The following CARMIL1 variants were observed in gnomAD, a reference collection of about 807,000 sequenced individuals.
CARMIL1 encodes the protein capping protein regulator and myosin 1 linker 1.
CARMIL1 carries 90 observed loss-of-function variants against 177.1 expected under a neutral mutation model. The ratio of observed to expected loss-of-function variants is 0.51; its 90% CI spans 0.43 to 0.61. The LOEUF (loss-of-function observed/expected upper bound fraction) is 0.61, where lower values mean the gene tolerates loss of function less well. CARMIL1 is among the 20% of genes least tolerant of loss of function. The pLI is 0.00. For missense variants in CARMIL1, 1,380 were observed against 1,667.0 expected, an observed-to-expected ratio of 0.83 and a Z score of 3.00; for synonymous variants, 577 against 606.2, an observed-to-expected ratio of 0.95 and a Z score of 0.71.
At chr6:25,567,016 C>A (rs911138922) in intron 29 of CARMIL1, among the ~76,000 whole-genome samples, 1 of 152,168 alleles carries the variant, frequency 6.6e-6, no homozygotes, top group African/African-American at 2.4e-5. Flanking sequence ...GTCATAGCAG[C>A]CAGGTGTGGT....
chr6:25,418,801 G>A (rs1018712698), intron 2 of CARMIL1, among the ~76,000 whole-genome samples: 2 of 152,082 alleles, frequency 1.3e-5, no homozygotes, highest in Non-Finnish European at 2.9e-5. Context: ...TAACTGTGAC[G>A]GTGGCATTTG....
intron 16 of CARMIL1, among the ~76,000 whole-genome samples, chr6:25,497,021 G>A (rs775051283): frequency 6.6e-6 from 1 of 152,146 alleles, no homozygotes; most frequent in Non-Finnish European, 1.5e-5. Flanking sequence ...GATGTTATTG[G>A]TGTGAATGTT....
intron 5 of CARMIL1, among the ~76,000 whole-genome samples, chr6:25,447,136 C>G (rs1798311272): frequency 6.6e-6 from 1 of 152,174 alleles, no homozygotes; most frequent in African/African-American, 2.4e-5. Context: ...AAAAATGGCA[C>G]TGATAGATTT....
At chr6:25,459,210 T>TCTTC (rs1554200782) in intron 8 of CARMIL1, among the ~76,000 whole-genome samples, 10 of 80,136 alleles carry the variant, frequency 1.2e-4, no homozygotes, top group African/African-American at 4.4e-5. Context: ...GATCCCAACT[T>TCTTC]TTTCTTTCTT....
chr6:25,294,536 C>T (rs1782244374), intron 2 of CARMIL1, among the ~76,000 whole-genome samples: 1 of 152,142 alleles, frequency 6.6e-6, no homozygotes, highest in Admixed American at 6.5e-5. Context: ...AAGCAAAAGC[C>T]CCCAAAAGCC....
chr6:25,345,543 A>G (rs1787417672), intron 2 of CARMIL1, among the ~76,000 whole-genome samples: 1 of 152,122 alleles, frequency 6.6e-6, no homozygotes, highest in Non-Finnish European at 1.5e-5. Context: ...TGCTTCCTCC[A>G]CAGTCATTCC....
chr6:25,520,415 C>T lies in CARMIL1; in HGVS notation c.1968+78C>T. The T allele has an allele frequency of 1.8e-5, 15 of 811,034 alleles. 1 individual carries two copies. In the South Asian group the frequency reaches 2.8e-4, roughly 15 times the overall value. 50.2% of individuals were successfully genotyped at this position (811,034 alleles called of 1,614,324 possible). ...TATGTTCCTGAACTTATAAACAATA[C>T]TTTGTTATTTTACGAAGTTTTTTTA... On this transcript the variant is annotated intron_variant, in intron 23 of 36. Coordinates refer to ENST00000329474, the MANE Select transcript of CARMIL1 (RefSeq NM_017640.6).
At chr6:25,526,033 G>A (rs1321135452) in intron 23 of CARMIL1, among the ~76,000 whole-genome samples, 1 of 151,904 alleles carries the variant, frequency 6.6e-6, no homozygotes, top group African/African-American at 2.4e-5. Context: ...TTCAGGGCCG[G>A]GCGTGGTGGT....
At chr6:25,499,001 C>T (rs576104503) in intron 16 of CARMIL1, among the ~76,000 whole-genome samples, 35 of 152,286 alleles carry the variant, frequency 2.3e-4, no homozygotes, top group African/African-American at 8.4e-4. Context: ...CTAACAAGGT[C>T]AGGGAGTGGG....
intron 2 of CARMIL1, among the ~76,000 whole-genome samples, chr6:25,314,244 G>C (rs1231459666): frequency 7.9e-6 from 1 of 127,242 alleles, no homozygotes. Flanking sequence ...GGAGGCCGAG[G>C]CGGGTGGATC....
chr6:25,437,497 C>T (rs1797335582), intron 5 of CARMIL1, among the ~76,000 whole-genome samples: 1 of 152,126 alleles, frequency 6.6e-6, no homozygotes, highest in Non-Finnish European at 1.5e-5. Flanking sequence ...CAGTATTAAT[C>T]ACCTCTGTTT....
chr6:25,559,175 G>A (rs1810897927), intron 29 of CARMIL1, among the ~76,000 whole-genome samples: 1 of 152,144 alleles, frequency 6.6e-6, no homozygotes, highest in Admixed American at 6.5e-5. Flanking sequence ...GATTTTCTGA[G>A]CTGGTACAAA....
chr6:25,355,503 G>T (rs1788504512), intron 2 of CARMIL1, among the ~76,000 whole-genome samples: 1 of 152,000 alleles, frequency 6.6e-6, no homozygotes, highest in Non-Finnish European at 1.5e-5. Context: ...AAATTAATTG[G>T]GTGTGGTGGT....
At chr6:25,523,713 A>C (rs1582238551) in intron 23 of CARMIL1, among the ~76,000 whole-genome samples, 1 of 152,230 alleles carries the variant, frequency 6.6e-6, no homozygotes, top group Non-Finnish European at 1.5e-5. Context: ...CTTTTCTTAG[A>C]TCTGTCAAAG....
intron 1 of CARMIL1, among the ~76,000 whole-genome samples, chr6:25,281,690 A>T (rs1028986203): frequency 2.6e-5 from 4 of 152,166 alleles, no homozygotes; most frequent in African/African-American, 9.7e-5. Flanking sequence ...GGGATAGAAT[A>T]AATACCTGCA....
intron 8 of CARMIL1, 105 bp downstream of exon 8, chr6:25,450,816 TCCC>T (rs1264170714): frequency 7.4e-5 from 1 of 13,568 alleles, no homozygotes; most frequent in South Asian, 1.1e-3. Flanking sequence ...TCCCCTCCCC[TCCC>T]CTTCCCTCCC....
intron 25 of CARMIL1, among the ~76,000 whole-genome samples, chr6:25,538,835 C>T (rs181360717): frequency 3.9e-5 from 6 of 152,090 alleles, no homozygotes; most frequent in Non-Finnish European, 7.4e-5. Flanking sequence ...CAGCCCACCC[C>T]CTGGACGCCA....
chr6:25,512,212 C>T (rs1262845179), intron 20 of CARMIL1, among the ~76,000 whole-genome samples: 2 of 152,072 alleles, frequency 1.3e-5, no homozygotes, highest in Non-Finnish European at 2.9e-5. Context: ...ATGTTTTGCT[C>T]ATTATGTGAG....
chr6:25,563,371 G>A, intron 29 of CARMIL1: 1 of 985,318 alleles, frequency 1.0e-6, no homozygotes, highest in Non-Finnish European at 1.2e-6. Context: ...TCAAATTGGA[G>A]AAAACAATGT....
Sources: gnomAD v4.1 joint callset for allele counts (sites outside exome capture counted in the v4.1 genomes callset) on GRCh38, gnomAD v4.1.1 for gene constraint, MANE v1.5 for transcripts, NCBI Gene and HGNC (gene_info 2026-07-23, HGNC 2026-07-21) for gene names.